MROH1: variants seen among roughly 807,000 people sequenced by gnomAD.
The protein encoded by MROH1 is maestro heat like repeat family member 1.
MROH1 carries 117 observed loss-of-function variants against 116.5 expected under a neutral mutation model. The observed-to-expected ratio is 1.00, with a 90% CI of 0.86 to 1.17. MROH1 has a LOEUF of 1.17. Ranked by LOEUF, MROH1 falls within the 50% of genes most tolerant of loss-of-function variation. MROH1 has a pLI of 0.00. For missense variants in MROH1, 1,873 were observed against 1,338.5 expected, an observed-to-expected ratio of 1.40 and a Z score of -6.23; for synonymous variants, 921 against 583.9, an observed-to-expected ratio of 1.58 and a Z score of -8.32.
chr8:144,239,647 C>T lies in MROH1; in HGVS notation c.1666C>T (p.Arg556Cys), dbSNP rs910904040. 3.6e-5 allele frequency: 28 copies of T among 768,508 alleles called. No individual in the cohort carries two copies. Among genetic ancestry groups the T allele is most frequent in the African/African-American group, 3.2e-4 (19 of 58,930 alleles). The allele number at this position is 768,508 out of a possible 1,614,324, so 47.6% of individuals were successfully genotyped here. A position where few individuals can be genotyped will look rare whatever the true frequency, so the allele number is the denominator to read the frequency against. Residue 556 changes from arginine to cysteine, a missense_variant, in exon 18 of 44, where the codon CGT becomes TGT. Arg to Cys is a radical substitution (Grantham distance 180). Coordinates refer to ENST00000326134, the MANE Select transcript of MROH1 (RefSeq NM_032450.3). ...VSSSPYLGDG[R>C]GAAALRLLSV... is the part of the protein sequence containing the mutation. ...TTCCAGCCCCTACCTAGGGGACGGA[C>T]GTGGGGCAGCGGCGCTGCGCCTCCT...
Position 144,260,924 on chromosome 8 carries a change from G to C in MROH1, c.4554G>C (p.Leu1518=), listed in dbSNP as rs1588573315. 1.3e-6 allele frequency: 1 copy of C among 777,478 alleles called. No homozygotes were observed. Among genetic ancestry groups the C allele is most frequent in the African/African-American group, 1.7e-5 (1 of 59,088 alleles). 48.2% of individuals were successfully genotyped at this position (777,478 alleles called of 1,614,324 possible). Residue 1518 remains leucine, a synonymous_variant, in exon 41 of 44, where the codon CTG becomes CTC. Transcript: ENST00000326134. The part of the protein sequence containing the change: ...ATVASACRFA[L]RMCGPNLACE... ...TCCCTTAGGCCTGCAGGTTTGCCCT[G>C]CGCATGTGTGGCCCCAATCTGGCAT... is the stretch of plus-strand genomic sequence containing the variant.
At position 144,260,243 on chromosome 8, in the gene MROH1, G is replaced by T; in HGVS notation, c.4249G>T (p.Asp1417Tyr). 2.6e-6 allele frequency: 2 copies of T among 766,262 alleles called. No homozygotes were observed. 47.5% of individuals were successfully genotyped at this position (766,262 alleles called of 1,614,324 possible). ...CATGATTGGCGGGCTGGACGACGGG[G>T]ACAACCCTCACAGCCCAGTGGCCCT... The part of the protein sequence containing the change: ...TAMIGGLDDG[D>Y]NPHSPVALEA... Residue 1417 changes from aspartate to tyrosine, a missense_variant, in exon 39 of 44, where the codon GAC becomes TAC. By Grantham distance (160) the Asp-to-Tyr change is radical. Transcript: ENST00000326134.
intron 18 of MROH1, 46 bp from the exon 19 acceptor site, chr8:144,240,055 A>G: frequency 1.3e-6 from 1 of 759,350 alleles, no homozygotes; most frequent in South Asian, 1.4e-5. Flanking sequence ...TCTGAGCCCC[A>G]CTGGTGCGTT....
intron 12 of MROH1, among the ~76,000 whole-genome samples, chr8:144,208,933 A>G (rs892585862): frequency 8.6e-5 from 13 of 152,000 alleles, no homozygotes; most frequent in African/African-American, 3.1e-4. Flanking sequence ...TGTGTTGGCC[A>G]GGCTGGTCTT....
intron 10 of MROH1, among the ~76,000 whole-genome samples, chr8:144,197,678 G>A (rs1830245906): frequency 6.7e-6 from 1 of 149,670 alleles, no homozygotes; most frequent in African/African-American, 2.4e-5. Context: ...CTTGGGATCC[G>A]CCCACCTCGG....
At position 144,260,198 on chromosome 8, in the gene MROH1, G is replaced by A. The variant is rs1275338178; in HGVS notation, c.4204G>A (p.Gly1402Ser). 3.3e-5 allele frequency: 25 copies of A among 765,110 alleles called. No individual in the cohort carries two copies. Among genetic ancestry groups the A allele is most frequent in the Non-Finnish European group, 4.8e-5 (20 of 417,594 alleles). 47.4% of individuals were successfully genotyped at this position (765,110 alleles called of 1,614,324 possible). A position where few individuals can be genotyped will look rare whatever the true frequency, so the allele number is the denominator to read the frequency against. The stretch of plus-strand genomic sequence containing the variant: ...AAGGTATCCTCAGGTGCGAACCCAC[G>A]GCCCCCAGCTCCTCACAGCCATGAT... ...SGCPDKVRTH[G>S]PQLLTAMIGG... The change falls in exon 39 of 44, where the codon GGC (glycine) becomes AGC (serine). Residue 1402 changes from glycine to serine, a missense_variant. Gly to Ser is a moderately conservative substitution (Grantham distance 56, BLOSUM62 0). Coordinates refer to ENST00000326134, the MANE Select transcript of MROH1 (RefSeq NM_032450.3).
At chr8:144,185,076 C>T (rs918104344) in intron 7 of MROH1, among the ~76,000 whole-genome samples, 1 of 152,178 alleles carries the variant, frequency 6.6e-6, no homozygotes, top group African/African-American at 2.4e-5. Flanking sequence ...TTTTCTCTGT[C>T]GGGGAGGGAA....
chr8:144,261,757 C>T lies in MROH1; in HGVS notation c.*17C>T. On this transcript the variant is annotated 3_prime_UTR_variant, in exon 44 of 44. Transcript: ENST00000326134. ...CTCGCCTAAGGCTCCGGCCAGCACCCCCAGCGAGGAGTATGCACCCAGACC... is the reference window on the plus strand; with the variant it reads ...CTCGCCTAAGGCTCCGGCCAGCACCTCCAGCGAGGAGTATGCACCCAGACC... 4 of 705,128 alleles carry T rather than the reference C, an allele frequency of 5.7e-6. No individual in the cohort carries two copies. The highest frequency in any genetic ancestry group is 2.6e-6 in the Non-Finnish European group (1 of 386,716). 43.7% of individuals were successfully genotyped at this position (705,128 alleles called of 1,614,324 possible). A position where few individuals can be genotyped will look rare whatever the true frequency, so the allele number is the denominator to read the frequency against.
At chr8:144,254,625 A>C in intron 33 of MROH1, 188 bp from the exon 34 acceptor site, 1 of 589,960 alleles carries the variant, frequency 1.7e-6, no homozygotes, top group Non-Finnish European at 3.0e-6. Flanking sequence ...CTCTGTTTAC[A>C]GATCCCTGGA....
intron 22 of MROH1, among the ~76,000 whole-genome samples, 179 bp downstream of exon 22, chr8:144,241,696 G>A (rs1841010435): frequency 6.6e-6 from 1 of 152,216 alleles, no homozygotes; most frequent in Non-Finnish European, 1.5e-5. Flanking sequence ...GGGGAGGGCG[G>A]CAGAATGGCC....
intron 4 of MROH1, among the ~76,000 whole-genome samples, chr8:144,173,878 A>G (rs1823150002): frequency 6.6e-6 from 1 of 152,162 alleles, no homozygotes; most frequent in Non-Finnish European, 1.5e-5. Flanking sequence ...AAGAATGAGG[A>G]TACAGTGGAC....
intron 14 of MROH1, among the ~76,000 whole-genome samples, chr8:144,236,961 A>G (rs1368842570): frequency 1.7e-5 from 2 of 115,218 alleles, no homozygotes; most frequent in African/African-American, 6.9e-5. Context: ...GCTGGAGTGC[A>G]GTGGGGTAAT....
Position 144,261,174 on chromosome 8 carries a change from A to T in MROH1, c.4732A>T (p.Ser1578Cys). The T allele has an allele frequency of 1.3e-6, 1 of 769,766 alleles. No individual in the cohort carries two copies. The highest frequency in any genetic ancestry group is 2.4e-6 in the Non-Finnish European group (1 of 417,632). 47.7% of individuals were successfully genotyped at this position (769,766 alleles called of 1,614,324 possible). The change falls in exon 42 of 44, where the codon AGC becomes TGC. Residue 1578 changes from serine to cysteine, a missense_variant. Coordinates refer to ENST00000326134, the MANE Select transcript of MROH1 (RefSeq NM_032450.3). ...GACCACCTGCCTGTTCTACTTCAAGAGCAGCTGGGAGAACGTCCGAGCTGC... is the reference window on the plus strand; with the variant it reads ...GACCACCTGCCTGTTCTACTTCAAGTGCAGCTGGGAGAACGTCCGAGCTGC... ...LLTTCLFYFK[S>C]SWENVRAAAP...
chr8:144,239,824 A>G, intron 18 of MROH1, 69 bp downstream of exon 18: 2 of 706,004 alleles, frequency 2.8e-6, no homozygotes, highest in Non-Finnish European at 5.3e-6. Context: ...GGAGGGTGCT[A>G]GCTCTGACCC....
At chr8:144,248,620 C>T (rs1187225625) in intron 31 of MROH1, among the ~76,000 whole-genome samples, 4 of 152,176 alleles carry the variant, frequency 2.6e-5, no homozygotes, top group Admixed American at 6.5e-5. Context: ...GTACTGTGAC[C>T]CCAGCCCTGC....
chr8:144,187,418 G>GA (rs1268377096), intron 7 of MROH1, among the ~76,000 whole-genome samples: 1 of 151,624 alleles, frequency 6.6e-6, no homozygotes, highest in Non-Finnish European at 1.5e-5. Context: ...TTAAAAAAAA[G>GA]AAAAAAAACC....
rs190085559 is a variant in MROH1, at chr8:144,206,268, G to T, written c.1141+5727G>T. On this transcript the variant is annotated intron_variant, in intron 12 of 43. Coordinates refer to ENST00000326134, the MANE Select transcript of MROH1 (RefSeq NM_032450.3). ...CTGCTGTTGAGTTCCATGTAGATGG[G>T]CTAGTTGTAGGAGGACCCTTCGTGA... Among the ~76,000 whole-genome samples the T allele has an allele frequency of 8.5e-4, 130 of 152,308 alleles. No individual in the cohort carries two copies. The Middle Eastern group carries it at 0.01, about 12-fold the overall frequency.
rs759699415 is a variant in MROH1 at position 144,179,417 on chromosome 8, G to T, written c.169-38G>T. ...GGCACTCAGAGTGTCTGGGTGTGGG[G>T]CTCACCTGGGACCGACCTGGACGGT... On this transcript the variant is annotated intron_variant, in intron 4 of 43. Transcript: ENST00000326134. 3.1e-6 allele frequency: 5 copies of T among 1,606,388 alleles called. No homozygotes were observed. In the South Asian group the frequency reaches 3.3e-5, roughly 11 times the overall value.
chr8:144,250,844 C>T (rs1452887717), intron 33 of MROH1: 3 of 301,622 alleles, frequency 9.9e-6, no homozygotes, highest in Admixed American at 4.6e-5. Flanking sequence ...CTGTACCATA[C>T]ATCACTATGT....
Sources: allele counts gnomAD v4.1 joint callset (sites outside exome capture counted in the v4.1 genomes callset), GRCh38; gene constraint gnomAD v4.1.1; transcripts MANE v1.5; gene names NCBI Gene and HGNC (gene_info 2026-07-23, HGNC 2026-07-21).